HTR2B: variants seen among roughly 807,000 people sequenced by gnomAD.
HTR2B encodes 5-hydroxytryptamine receptor 2B.
Under a neutral mutation model 39.8 loss-of-function variants are expected in HTR2B, and 31 were observed. The observed-to-expected ratio is 0.78, with a 90% confidence interval of 0.58 to 1.05. HTR2B has a LOEUF of 1.05. Ranked by LOEUF, HTR2B falls within the 50% of genes least tolerant of loss-of-function variation. The pLI is 0.00. For synonymous variants in HTR2B, 210 were observed against 207.1 expected (o/e 1.01, Z -0.12); for missense variants, 562 against 578.0 (o/e 0.97, Z 0.28).
At chr2:231,109,499 A>G in intron 3 of HTR2B, 90 bp from the exon 4 acceptor site, 2 of 1,138,936 alleles carry the variant, frequency 1.8e-6, no homozygotes, top group Admixed American at 3.7e-5. Context: ...TTATAACTTT[A>G]TGCTTGTTGG....
Position 231,109,080 on chromosome 2 carries a change from T to C in HTR2B, c.883A>G (p.Asn295Asp), listed in dbSNP as rs1395106915. Residue 295 changes from asparagine (N) to aspartate (D), a missense_variant, in exon 4 of 4, where the codon AAC becomes GAC. By Grantham distance (23) the Asn-to-Asp change is conservative (BLOSUM62 1). Transcript: ENST00000258400. ...DGSRKDKALP[N>D]SGDETLMRRT... is the part of the protein sequence containing the mutation. ...CGCATAAGTGTTTCATCACCTGAGT[T>C]GGGCAGAGCCTTGTCCTTTCGAGAA... The C allele has an allele frequency of 1.9e-6, 3 of 1,614,138 alleles. No homozygotes were observed. Among genetic ancestry groups the C allele is most frequent in the Admixed American group, 1.7e-5 (1 of 60,016 alleles).
rs767915491 is a variant in HTR2B, at chr2:231,113,709, C to T, written c.553+20G>A. 1.4e-5 allele frequency: 22 copies of T among 1,604,502 alleles called. No homozygotes were observed. The highest frequency in any genetic ancestry group is 4.0e-5 in the African/African-American group (3 of 74,698). On this transcript the variant is annotated intron_variant, in intron 3 of 3. Coordinates refer to ENST00000258400, the MANE Select transcript of HTR2B (RefSeq NM_000867.5). ...CCAAAGATTTTGTATACCACCCACA[C>T]TCTGGCATTCTCTACATACCTATTG...
chr2:231,111,166 T>C (rs773983087), intron 3 of HTR2B, among the ~76,000 whole-genome samples: 5 of 152,196 alleles, frequency 3.3e-5, no homozygotes, highest in Non-Finnish European at 7.3e-5. Context: ...TCTAAGACCT[T>C]AATTTTATAT....
At chr2:231,115,940 T>C (rs1695316579) in intron 2 of HTR2B, among the ~76,000 whole-genome samples, 1 of 152,136 alleles carries the variant, frequency 6.6e-6, no homozygotes, top group Admixed American at 6.5e-5. Flanking sequence ...GAAGCAGTGC[T>C]TTGGAAGACT....
intron 2 of HTR2B, among the ~76,000 whole-genome samples, chr2:231,116,343 GAT>G (rs1159171167): frequency 3.9e-5 from 6 of 152,100 alleles, no homozygotes; most frequent in Non-Finnish European, 8.8e-5. Context: ...TATAATCAGA[GAT>G]ATTGATTGCA....
intron 2 of HTR2B, among the ~76,000 whole-genome samples, chr2:231,120,169 C>A (rs1457938128): frequency 6.6e-6 from 1 of 152,108 alleles, no homozygotes; most frequent in Non-Finnish European, 1.5e-5. Context: ...CCAGGCTGGT[C>A]TCGAACTCCT....
At position 231,109,016 on chromosome 2, in the gene HTR2B, A is replaced by G. The variant is rs1695061468; in HGVS notation, c.947T>C (p.Ile316Thr). The change falls in exon 4 of 4, where the codon ATT (isoleucine) becomes ACT (threonine). Residue 316 changes from isoleucine (I) to threonine (T), a missense_variant. Transcript: ENST00000258400. ...CTTTGAGGCTCTCTGTTCGTTGGAAATGGTCTGCACTGACTTTTTCCCAAT... is the reference window on the plus strand; with the variant it reads ...CTTTGAGGCTCTCTGTTCGTTGGAAGTGGTCTGCACTGACTTTTTCCCAAT... ...STIGKKSVQT[I>T]SNEQRASKVL... 2 of 1,614,250 alleles carry G rather than the reference A, an allele frequency of 1.2e-6. No homozygotes were observed. The highest frequency in any genetic ancestry group is 1.3e-5 in the African/African-American group (1 of 75,066).
At chr2:231,115,747 A>C (rs1162126160) in intron 2 of HTR2B, among the ~76,000 whole-genome samples, 6 of 152,088 alleles carry the variant, frequency 3.9e-5, no homozygotes, top group Non-Finnish European at 7.4e-5. Context: ...TTGAAATGTA[A>C]ATGTTATCTG....
At chr2:231,121,819 G>A (rs187624977) in intron 2 of HTR2B, among the ~76,000 whole-genome samples, 3 of 152,206 alleles carry the variant, frequency 2.0e-5, no homozygotes, top group South Asian at 2.1e-4. Context: ...TCAATATCAT[G>A]TATTGAATGA....
chr2:231,116,948 A>G (rs1320043322), intron 2 of HTR2B, among the ~76,000 whole-genome samples: 1 of 152,066 alleles, frequency 6.6e-6, no homozygotes, highest in Non-Finnish European at 1.5e-5. Flanking sequence ...AAATTAATAG[A>G]AACCTTATAT....
chr2:231,110,267 C>T lies in HTR2B; in HGVS notation c.554-858G>A, dbSNP rs577643905. ...CCCAGGAGGCCGAGGTTGCAGTGAGCCGAGATCACACCACTGCCCTCCACG... is the reference window on the plus strand; with the variant it reads ...CCCAGGAGGCCGAGGTTGCAGTGAGTCGAGATCACACCACTGCCCTCCACG... On this transcript the variant is annotated intron_variant, in intron 3 of 3. Coordinates refer to ENST00000258400, the MANE Select transcript of HTR2B (RefSeq NM_000867.5). Among the ~76,000 whole-genome samples, 287 of 152,168 alleles carry T rather than the reference C, an allele frequency of 1.9e-3. 1 individual carries two copies. Among genetic ancestry groups the T allele is most frequent in the Non-Finnish European group, 3.5e-3 (240 of 67,998 alleles).
chr2:231,117,908 G>A (rs940618401), intron 2 of HTR2B, among the ~76,000 whole-genome samples: 2 of 152,146 alleles, frequency 1.3e-5, no homozygotes, highest in Non-Finnish European at 2.9e-5. Context: ...GTTACATGGG[G>A]TTATTTAAGG....
chr2:231,115,326 C>T (rs1695292631), intron 2 of HTR2B, among the ~76,000 whole-genome samples: 1 of 152,006 alleles, frequency 6.6e-6, no homozygotes, highest in Admixed American at 6.6e-5. Flanking sequence ...ACAAAGTATC[C>T]AGAAGGTAGC....
In HTR2B at chr2:231,113,825, G is replaced by A. The variant is rs1294995476; in HGVS notation, c.457C>T (p.Arg153Cys). Residue 153 changes from arginine to cysteine, a missense_variant, in exon 3 of 4, where the codon CGT (arginine) becomes TGT (cysteine). Coordinates refer to ENST00000258400, the MANE Select transcript of HTR2B (RefSeq NM_000867.5). ...ATTGGCTTTTTGATGGCTATGTAAC[G>A]ATCCACTGAAATGGCACAGAGATGC... The part of the protein sequence containing the change: ...IMHLCAISVD[R>C]YIAIKKPIQA... 8 of 1,613,890 alleles carry A rather than the reference G, an allele frequency of 5.0e-6. No individual in the cohort carries two copies. Among genetic ancestry groups the A allele is most frequent in the South Asian group, 4.4e-5 (4 of 91,086 alleles).
intron 2 of HTR2B, among the ~76,000 whole-genome samples, chr2:231,122,805 G>A (rs1213315901): frequency 6.6e-6 from 1 of 151,970 alleles, no homozygotes; most frequent in South Asian, 2.1e-4. Flanking sequence ...AAATTGAATC[G>A]ATAGATCATC....
intron 2 of HTR2B, 117 bp from the exon 3 acceptor site, chr2:231,114,046 C>G: frequency 1.3e-6 from 1 of 774,812 alleles, no homozygotes; most frequent in Non-Finnish European, 2.3e-6. Context: ...AATTTTATAA[C>G]TTTAACAACA....
intron 3 of HTR2B, among the ~76,000 whole-genome samples, chr2:231,113,026 A>G (rs1052151014): frequency 9.2e-5 from 14 of 152,118 alleles, no homozygotes; most frequent in Admixed American, 5.9e-4. Flanking sequence ...TTAGCCAGGC[A>G]TGGGGGGTGT....
chr2:231,120,843 A>G (rs772152589), intron 2 of HTR2B, among the ~76,000 whole-genome samples: 2 of 152,234 alleles, frequency 1.3e-5, no homozygotes, highest in African/African-American at 4.8e-5. Flanking sequence ...AGTCCTAAAG[A>G]TTAACACTAC....
rs1259606217 is a variant in HTR2B, at chr2:231,109,098, T to C, written c.865A>G (p.Lys289Glu). 1.9e-6 allele frequency: 3 copies of C among 1,614,086 alleles called. No individual in the cohort carries two copies. The African/African-American group carries it at 4.0e-5, about 22-fold the overall frequency. ...EKVAMLDGSR[K>E]DKALPNSGDE... ...CCTGAGTTGGGCAGAGCCTTGTCCT[T>C]TCGAGAACCATCCAGCATTGCCACC... The change falls in exon 4 of 4, where the codon AAG becomes GAG. Residue 289 changes from lysine to glutamate, a missense_variant. Coordinates refer to ENST00000258400, the MANE Select transcript of HTR2B (RefSeq NM_000867.5).
Sources: gnomAD v4.1 joint callset for allele counts (sites outside exome capture counted in the v4.1 genomes callset) on GRCh38, gnomAD v4.1.1 for gene constraint, MANE v1.5 for transcripts, NCBI Gene and HGNC (gene_info 2026-07-23, HGNC 2026-07-21) for gene names.